Variants in ANO6 observed in about 807,000 individuals in gnomAD.
ANO6 encodes anoctamin-6.
Under a neutral mutation model 117.5 loss-of-function variants are expected in ANO6, and 106 were observed. That is an observed-to-expected ratio of 0.90 (90% CI 0.77 to 1.06). The LOEUF is 1.06. ANO6 is among the 50% of genes least tolerant of loss of function. The pLI is 0.00. For missense variants in ANO6, 955 were observed against 1,121.1 expected (o/e 0.85, Z 2.12); for synonymous variants, 367 against 385.1 (o/e 0.95, Z 0.55).
intron 12 of ANO6, among the ~76,000 whole-genome samples, chr12:45,393,786 A>C (rs1026643337): frequency 6.6e-6 from 1 of 152,210 alleles, no homozygotes; most frequent in Non-Finnish European, 1.5e-5. Context: ...TTTACAGACA[A>C]GCAAATGCTG....
chr12:45,430,848 G>T lies in ANO6; in HGVS notation c.*1537G>T, dbSNP rs1471776078. On this transcript the variant is annotated 3_prime_UTR_variant, in exon 20 of 20. Transcript: ENST00000320560. ...GCCCTCTCACCCCTACTGGTAACAG[G>T]TCATTGCTGGGTGCACAAGAGGGAG... is the stretch of plus-strand genomic sequence containing the variant. 1 of 985,302 alleles carries T rather than the reference G, an allele frequency of 1.0e-6. No individual in the cohort carries two copies. The highest frequency in any genetic ancestry group is 1.7e-5 in the African/African-American group (1 of 57,224). 61.0% of individuals were successfully genotyped at this position (985,302 alleles called of 1,614,324 possible).
At chr12:45,375,470 G>T (rs1941982797) in intron 9 of ANO6, among the ~76,000 whole-genome samples, 1 of 152,194 alleles carries the variant, frequency 6.6e-6, no homozygotes, top group African/African-American at 2.4e-5. Context: ...CAAGGCTACA[G>T]TAACCAAAAC....
chr12:45,292,804 T>C (rs1592925557), intron 1 of ANO6: 1 of 1,497,216 alleles, frequency 6.7e-7, no homozygotes, highest in South Asian at 1.3e-5. Flanking sequence ...CTCAGAAATA[T>C]TGCTGTTTGT....
At chr12:45,343,566 T>C (rs561116929) in intron 3 of ANO6, among the ~76,000 whole-genome samples, 3 of 152,298 alleles carry the variant, frequency 2.0e-5, no homozygotes, top group Admixed American at 1.3e-4. Context: ...TAACACGTTT[T>C]CCCTAGTTTG....
At chr12:45,270,491 C>T (rs1027244314) in intron 1 of ANO6, 6 of 1,443,984 alleles carry the variant, frequency 4.2e-6, no homozygotes, top group Non-Finnish European at 5.6e-6. Context: ...GAGGCCTTTT[C>T]TGACTCCTCA....
At chr12:45,397,158 C>T (rs973096523) in intron 12 of ANO6, among the ~76,000 whole-genome samples, 4 of 152,028 alleles carry the variant, frequency 2.6e-5, no homozygotes, top group Admixed American at 6.6e-5. Context: ...GAAAACAACC[C>T]CATCAAAAAG....
intron 1 of ANO6, among the ~76,000 whole-genome samples, chr12:45,265,648 G>C (rs544318889): frequency 1.6e-4 from 24 of 152,238 alleles, no homozygotes; most frequent in Admixed American, 1.5e-3. Flanking sequence ...CCCGATTCTT[G>C]TCATTTCTCT....
intron 3 of ANO6, among the ~76,000 whole-genome samples, chr12:45,332,040 G>T (rs1940681518): frequency 6.6e-6 from 1 of 151,958 alleles, no homozygotes; most frequent in Non-Finnish European, 1.5e-5. Flanking sequence ...CAGTCAAGCT[G>T]CTCTCTTCTC....
intron 1 of ANO6, among the ~76,000 whole-genome samples, chr12:45,221,489 C>T (rs1488738533): frequency 1.3e-5 from 2 of 152,090 alleles, no homozygotes; most frequent in Admixed American, 1.3e-4. Context: ...GAAGGATCCT[C>T]CATACACTTT....
intron 1 of ANO6, among the ~76,000 whole-genome samples, chr12:45,255,427 C>T (rs1349397755): frequency 1.3e-5 from 2 of 152,088 alleles, no homozygotes; most frequent in Admixed American, 1.3e-4. Flanking sequence ...TGCTTGAACC[C>T]GGGAGGCAGA....
chr12:45,359,542 C>T (rs952867815), intron 8 of ANO6, among the ~76,000 whole-genome samples: 5 of 152,334 alleles, frequency 3.3e-5, no homozygotes, highest in African/African-American at 1.2e-4. Context: ...TGGAACTATA[C>T]ATTATAAAGC....
At chr12:45,339,457 TTTCTG>T (rs770496636) in intron 3 of ANO6, among the ~76,000 whole-genome samples, 48 of 152,298 alleles carry the variant, frequency 3.2e-4, no homozygotes, top group Non-Finnish European at 5.6e-4. Flanking sequence ...GAAAATTTGT[TTTCTG>T]TGTTACTCAG....
At chr12:45,319,122 G>A (rs556956513) in intron 2 of ANO6, among the ~76,000 whole-genome samples, 1 of 152,252 alleles carries the variant, frequency 6.6e-6, no homozygotes, top group Admixed American at 6.5e-5. Flanking sequence ...TCTCCTGCCT[G>A]ATTGCCCTGG....
chr12:45,317,109 A>ATGTGTGTGTGTG (rs1219061656), intron 2 of ANO6, among the ~76,000 whole-genome samples: 4 of 39,954 alleles, frequency 1.0e-4, no homozygotes, highest in African/African-American at 2.1e-4. Flanking sequence ...GATTCTTTTT[A>ATGTGTGTGTGTG]TATGTATATA....
intron 1 of ANO6, among the ~76,000 whole-genome samples, chr12:45,282,395 G>A (rs1938769182): frequency 6.6e-6 from 1 of 152,176 alleles, no homozygotes; most frequent in African/African-American, 2.4e-5. Flanking sequence ...CAGAAGTCAA[G>A]GCGCAGTCAA....
At chr12:45,372,527 A>G (rs1941873970) in intron 9 of ANO6, among the ~76,000 whole-genome samples, 5 of 142,446 alleles carry the variant, frequency 3.5e-5, no homozygotes, top group Admixed American at 2.1e-4. Context: ...CAGAAACCCT[A>G]CAAGCCAGAA....
At position 45,432,300 on chromosome 12, in the gene ANO6, A is replaced by G. The variant is rs913114785; in HGVS notation, c.*2989A>G. The G allele has an allele frequency of 3.3e-6, 3 of 906,592 alleles. No individual in the cohort carries two copies. Among genetic ancestry groups the G allele is most frequent in the Non-Finnish European group, 4.0e-6 (3 of 759,014 alleles). The allele number at this position is 906,592 out of a possible 1,614,324, so 56.2% of individuals were successfully genotyped here. A position where few individuals can be genotyped will look rare whatever the true frequency, so the allele number is the denominator to read the frequency against. ...TTAATGTTAATTTCTGTGCATTTTAATATTCTTTTATAATTATGAGCATTT... is the reference window on the plus strand; with the variant it reads ...TTAATGTTAATTTCTGTGCATTTTAGTATTCTTTTATAATTATGAGCATTT... On this transcript the variant is annotated 3_prime_UTR_variant, in exon 20 of 20. Transcript: ENST00000320560.
intron 1 of ANO6, among the ~76,000 whole-genome samples, chr12:45,263,202 G>T (rs1447604295): frequency 1.3e-5 from 2 of 151,772 alleles, no homozygotes; most frequent in African/African-American, 4.8e-5. Context: ...ACAGGGGCCG[G>T]TACAAGATGT....
At chr12:45,271,819 A>T (rs753574122) in intron 1 of ANO6, among the ~76,000 whole-genome samples, 4 of 152,224 alleles carry the variant, frequency 2.6e-5, no homozygotes, top group Admixed American at 6.5e-5. Context: ...ATTTTTTGGA[A>T]CTAAAACTGC....
Sources: gnomAD v4.1 joint callset for allele counts (sites outside exome capture counted in the v4.1 genomes callset) on GRCh38, gnomAD v4.1.1 for gene constraint, MANE v1.5 for transcripts, NCBI Gene and HGNC (gene_info 2026-07-23, HGNC 2026-07-21) for gene names.